Variants in IFTAP observed in about 807,000 individuals in gnomAD.
The protein encoded by IFTAP is intraflagellar transport-associated protein.
Under a neutral mutation model 19.4 loss-of-function variants are expected in IFTAP, and 19 were observed. The observed-to-expected ratio is 0.98, with a 90% confidence interval of 0.68 to 1.44. The LOEUF (loss-of-function observed/expected upper bound fraction) is 1.44, where lower values mean the gene tolerates loss of function less well. Among genes scored for constraint, IFTAP ranks in the 40% most tolerant of loss-of-function variants. IFTAP has a pLI of 0.00. For synonymous variants in IFTAP, 85 were observed against 83.5 expected, an observed-to-expected ratio of 1.02 and a Z score of -0.10; for missense variants, 240 against 253.6, an observed-to-expected ratio of 0.95 and a Z score of 0.36.
chr11:36,622,277 A>G (rs1030784989), intron 2 of IFTAP, among the ~76,000 whole-genome samples: 2 of 152,168 alleles, frequency 1.3e-5, no homozygotes, highest in Middle Eastern at 3.4e-3. Context: ...TCTTCTAAGA[A>G]GTATTTACTT....
At chr11:36,649,806 CATCTT>C (rs1565031663) in intron 5 of IFTAP, among the ~76,000 whole-genome samples, 2 of 152,062 alleles carry the variant, frequency 1.3e-5, no homozygotes, top group African/African-American at 4.8e-5. Flanking sequence ...TCTGAAGTAA[CATCTT>C]GGTTGGGAAT....
intron 4 of IFTAP, 95 bp downstream of exon 4, chr11:36,636,212 C>A: frequency 1.1e-6 from 1 of 876,962 alleles, no homozygotes; most frequent in Non-Finnish European, 1.8e-6. Context: ...CAATTCTTAC[C>A]TCCACCTCTC....
intron 5 of IFTAP, among the ~76,000 whole-genome samples, chr11:36,652,350 G>T (rs1429790198): frequency 6.6e-6 from 1 of 152,102 alleles, no homozygotes; most frequent in Non-Finnish European, 1.5e-5. Context: ...TTGGCTCTCT[G>T]TTTGTCTGTT....
At chr11:36,642,435 G>A (rs1256924118) in intron 4 of IFTAP, among the ~76,000 whole-genome samples, 2 of 152,142 alleles carry the variant, frequency 1.3e-5, no homozygotes, top group African/African-American at 2.4e-5. Flanking sequence ...GGTACGAGGA[G>A]GAGCTGGTAC....
At chr11:36,653,354 G>C (rs1853828424) in intron 5 of IFTAP, among the ~76,000 whole-genome samples, 1 of 152,120 alleles carries the variant, frequency 6.6e-6, no homozygotes, top group Non-Finnish European at 1.5e-5. Context: ...AATTAGATTT[G>C]AAATTAGACA....
At chr11:36,612,767 G>A (rs778532477) in intron 2 of IFTAP, among the ~76,000 whole-genome samples, 3 of 151,956 alleles carry the variant, frequency 2.0e-5, no homozygotes, top group Non-Finnish European at 4.4e-5. Context: ...ATGCTTATGG[G>A]ATTCATTTTC....
At chr11:36,637,853 T>C (rs1303008406) in intron 4 of IFTAP, among the ~76,000 whole-genome samples, 2 of 151,924 alleles carry the variant, frequency 1.3e-5, no homozygotes, top group African/African-American at 4.8e-5. Flanking sequence ...TAAACCAACA[T>C]AGCCAACAGA....
chr11:36,637,967 G>C (rs897191121), intron 4 of IFTAP, among the ~76,000 whole-genome samples: 4 of 151,160 alleles, frequency 2.6e-5, no homozygotes, highest in African/African-American at 9.8e-5. Flanking sequence ...TGCAACCTCT[G>C]CCTCTCAGGT....
chr11:36,609,720 C>G (rs891794252), intron 1 of IFTAP, among the ~76,000 whole-genome samples: 1 of 152,080 alleles, frequency 6.6e-6, no homozygotes, highest in Non-Finnish European at 1.5e-5. Flanking sequence ...AGTCACTAAG[C>G]TATTGCCATT....
intron 2 of IFTAP, among the ~76,000 whole-genome samples, chr11:36,619,059 G>T (rs1251025045): frequency 6.6e-6 from 1 of 151,958 alleles, no homozygotes; most frequent in Admixed American, 6.6e-5. Context: ...AGATACTGAG[G>T]CCCACAGAGG....
intron 4 of IFTAP, among the ~76,000 whole-genome samples, chr11:36,641,949 T>C (rs1160302742): frequency 6.6e-6 from 1 of 152,152 alleles, no homozygotes; most frequent in East Asian, 1.9e-4. Flanking sequence ...TTTATGAATC[T>C]GGGTGCTCCT....
chr11:36,654,319 CTTTATTTTAT>C (rs150017621), intron 5 of IFTAP, among the ~76,000 whole-genome samples: 4 of 151,796 alleles, frequency 2.6e-5, no homozygotes, highest in African/African-American at 7.3e-5. Flanking sequence ...TCCTGTGATT[CTTTATTTTAT>C]TTTATTTTAT....
chr11:36,636,083 C>A lies in IFTAP; in HGVS notation c.324C>A (p.Asp108Glu), dbSNP rs143974880. The A allele has an allele frequency of 8.8e-4, 1,410 of 1,608,522 alleles. 1 individual carries two copies. Among genetic ancestry groups the A allele is most frequent in the Admixed American group, 2.0e-3 (119 of 59,980 alleles). Reference protein sequence around the residue: ...VDNFLDLEDLDMDEEIKPQMS... With the variant: ...VDNFLDLEDLEMDEEIKPQMS... Reference sequence around the variant, plus strand: ...ATTTCCTAGATTTAGAAGATTTGGACATGGATGAAGAGATTAAACCCCAAA... The same window carrying A: ...ATTTCCTAGATTTAGAAGATTTGGAAATGGATGAAGAGATTAAACCCCAAA... The change falls in exon 4 of 6, where the codon GAC (aspartate) becomes GAA (glutamate). Residue 108 changes from aspartate to glutamate, a missense_variant. Transcript: ENST00000334307.
intron 5 of IFTAP, among the ~76,000 whole-genome samples, chr11:36,654,673 T>A (rs1030315391): frequency 7.2e-5 from 11 of 152,158 alleles, no homozygotes; most frequent in African/African-American, 2.7e-4. Flanking sequence ...TATATTCAAT[T>A]CATCTAGATT....
At chr11:36,616,533 T>C (rs1852096480) in intron 2 of IFTAP, among the ~76,000 whole-genome samples, 1 of 152,026 alleles carries the variant, frequency 6.6e-6, no homozygotes, top group Non-Finnish European at 1.5e-5. Flanking sequence ...TATAAATTGC[T>C]GGAGGACTGG....
intron 4 of IFTAP, among the ~76,000 whole-genome samples, chr11:36,642,711 A>G (rs1853277872): frequency 6.6e-6 from 1 of 152,174 alleles, no homozygotes; most frequent in South Asian, 2.1e-4. Flanking sequence ...ACATACGCAA[A>G]TCAATAAACG....
At chr11:36,613,631 C>CT (rs1851952497) in intron 2 of IFTAP, among the ~76,000 whole-genome samples, 1 of 151,968 alleles carries the variant, frequency 6.6e-6, no homozygotes, top group Non-Finnish European at 1.5e-5. Flanking sequence ...GCAATAAAGT[C>CT]TAGTCATCAG....
intron 5 of IFTAP, among the ~76,000 whole-genome samples, chr11:36,649,849 G>C (rs907075262): frequency 1.3e-5 from 2 of 152,034 alleles, no homozygotes; most frequent in Non-Finnish European, 2.9e-5. Flanking sequence ...ATTTTTTAGA[G>C]TAACTTTTCA....
intron 2 of IFTAP, among the ~76,000 whole-genome samples, chr11:36,624,520 C>G (rs1182301521): frequency 6.6e-6 from 1 of 152,156 alleles, no homozygotes; most frequent in Non-Finnish European, 1.5e-5. Flanking sequence ...CTTACGATGA[C>G]AGAAAACTCC....
Sources: allele counts gnomAD v4.1 joint callset (sites outside exome capture counted in the v4.1 genomes callset), GRCh38; gene constraint gnomAD v4.1.1; transcripts MANE v1.5; gene names NCBI Gene and HGNC (gene_info 2026-07-23, HGNC 2026-07-21).